The following KCNK2 variants were observed in gnomAD, a reference collection of about 807,000 sequenced individuals.
KCNK2 encodes potassium channel subfamily K member 2.
A neutral mutation model predicts 40.5 loss-of-function variants in KCNK2; 21 were observed. The observed-to-expected ratio is 0.52, with a 90% CI of 0.37 to 0.75. KCNK2 has a LOEUF of 0.75. KCNK2 is among the 30% of genes least tolerant of loss of function. KCNK2 has a pLI of 0.00. For missense variants in KCNK2, 399 were observed against 531.6 expected (o/e 0.75, Z 2.45); for synonymous variants, 191 against 202.2 (o/e 0.94, Z 0.47).
At chr1:215,050,032 C>G (rs1395911073) in intron 1 of KCNK2, among the ~76,000 whole-genome samples, 3 of 152,050 alleles carry the variant, frequency 2.0e-5, no homozygotes, top group African/African-American at 7.2e-5. Context: ...TTATCTATGT[C>G]TATAAAAAAC....
At chr1:215,177,708 C>T (rs1664034572) in intron 5 of KCNK2, among the ~76,000 whole-genome samples, 1 of 121,926 alleles carries the variant, frequency 8.2e-6, no homozygotes, top group African/African-American at 3.0e-5. Context: ...CTCCACTGGC[C>T]TATATATATA....
intron 2 of KCNK2, among the ~76,000 whole-genome samples, chr1:215,103,760 C>T (rs900422071): frequency 7.9e-5 from 12 of 151,926 alleles, no homozygotes; most frequent in African/African-American, 1.4e-4. Context: ...TATTTTTTGA[C>T]GGGACAATAA....
chr1:215,211,913 T>A (rs1409343577), intron 6 of KCNK2, among the ~76,000 whole-genome samples: 1 of 152,152 alleles, frequency 6.6e-6, no homozygotes, highest in Non-Finnish European at 1.5e-5. Context: ...ACTGTACTTA[T>A]TTTGGTGGTT....
intron 1 of KCNK2, among the ~76,000 whole-genome samples, chr1:215,072,292 T>G (rs1658785184): frequency 6.6e-6 from 1 of 152,168 alleles, no homozygotes; most frequent in Non-Finnish European, 1.5e-5. Flanking sequence ...GACTTACAGT[T>G]CCACATGGCT....
intron 6 of KCNK2, among the ~76,000 whole-genome samples, chr1:215,230,831 T>C (rs944859149): frequency 6.6e-6 from 1 of 151,828 alleles, no homozygotes; most frequent in African/African-American, 2.4e-5. Context: ...AGTTTACTTT[T>C]CCACCTCTGG....
In KCNK2 at chr1:215,172,131, T is replaced by A. The variant is rs901134275; in HGVS notation, c.771T>A (p.Ile257=). ...HIEGWSALDA[I]YFVVITLTTI... is the part of the protein sequence containing the mutation. The stretch of plus-strand genomic sequence containing the variant: ...AAGGCTGGAGTGCCCTGGACGCCAT[T>A]TATTTTGTGGTTATCACTCTAACAA... Residue 257 remains isoleucine, a synonymous_variant, in exon 5 of 7, where the codon ATT becomes ATA. Coordinates refer to ENST00000444842, the MANE Select transcript of KCNK2 (RefSeq NM_001017425.3). 1.2e-6 allele frequency: 2 copies of A among 1,613,544 alleles called. No individual in the cohort carries two copies. Among genetic ancestry groups the A allele is most frequent in the Admixed American group, 3.3e-5 (2 of 59,922 alleles).
upstream of KCNK2, chr1:215,081,909 C>G (rs907852079): frequency 2.6e-5 from 4 of 152,218 alleles, no homozygotes; most frequent in African/African-American, 9.7e-5. Flanking sequence ...GCTGTCCCTA[C>G]GCCGGGGTCT....
intron 5 of KCNK2, among the ~76,000 whole-genome samples, chr1:215,186,008 T>C (rs1175514558): frequency 3.3e-5 from 5 of 152,230 alleles, no homozygotes; most frequent in African/African-American, 4.8e-5. Context: ...AACATCAGTA[T>C]AATTATTAGA....
intron 5 of KCNK2, among the ~76,000 whole-genome samples, chr1:215,194,222 C>T (rs6688065): frequency 0.99 from 150,768 of 152,252 alleles, 74,672 homozygotes; most frequent in East Asian, 1. Context: ...CTTATAGGTA[C>T]AGTTATTGTT....
intron 6 of KCNK2, among the ~76,000 whole-genome samples, chr1:215,229,954 A>G (rs896638303): frequency 4.6e-5 from 7 of 151,244 alleles, no homozygotes; most frequent in African/African-American, 7.3e-5. Context: ...ACCTATTATC[A>G]TAATTAATAA....
intron 6 of KCNK2, among the ~76,000 whole-genome samples, chr1:215,230,785 C>G (rs910268978): frequency 6.6e-6 from 1 of 151,704 alleles, no homozygotes; most frequent in Non-Finnish European, 1.5e-5. Context: ...CACCCCATTT[C>G]TGACAGATTG....
At chr1:215,072,956 G>C (rs192091036) in intron 1 of KCNK2, among the ~76,000 whole-genome samples, 7 of 152,244 alleles carry the variant, frequency 4.6e-5, no homozygotes, top group Admixed American at 4.6e-4. Flanking sequence ...ATGAAATAAG[G>C]TCTTTACAGA....
chr1:215,019,932 CA>C (rs1656730831), intron 1 of KCNK2, among the ~76,000 whole-genome samples: 1 of 143,366 alleles, frequency 7.0e-6, no homozygotes, highest in Admixed American at 7.1e-5. Context: ...ATAGAGGGTA[CA>C]TGAGCAGAGG....
intron 2 of KCNK2, among the ~76,000 whole-genome samples, chr1:215,123,346 G>C (rs1308131173): frequency 6.6e-6 from 1 of 151,572 alleles, no homozygotes; most frequent in Non-Finnish European, 1.5e-5. Context: ...GTTATCTCTG[G>C]ATTCTGGAAT....
chr1:215,172,967 A>AT (rs1463447991), intron 5 of KCNK2, among the ~76,000 whole-genome samples: 1 of 151,822 alleles, frequency 6.6e-6, no homozygotes, highest in African/African-American at 2.4e-5. Flanking sequence ...TATTACTATT[A>AT]TTTTTTAAAA....
At chr1:215,121,198 CAAACAAA>C (rs1330213886) in intron 2 of KCNK2, among the ~76,000 whole-genome samples, 1 of 152,136 alleles carries the variant, frequency 6.6e-6, no homozygotes, top group East Asian at 1.9e-4. Context: ...ATCAAACAAA[CAAACAAA>C]AATAACAAGT....
At chr1:215,094,674 A>G (rs1659901601) in intron 2 of KCNK2, among the ~76,000 whole-genome samples, 4 of 152,068 alleles carry the variant, frequency 2.6e-5, no homozygotes, top group Admixed American at 2.6e-4. Flanking sequence ...ACTATTTATT[A>G]ATAATTAGGT....
chr1:215,218,330 G>C (rs187453515), intron 6 of KCNK2, among the ~76,000 whole-genome samples: 3 of 152,168 alleles, frequency 2.0e-5, no homozygotes, highest in Non-Finnish European at 4.4e-5. Context: ...GATGGCAGGA[G>C]CTGCTGGGAA....
At chr1:215,155,046 C>G (rs185902118) in intron 3 of KCNK2, among the ~76,000 whole-genome samples, 2 of 152,008 alleles carry the variant, frequency 1.3e-5, no homozygotes, top group Non-Finnish European at 1.5e-5. Context: ...TTCTCTTGTC[C>G]TTTTTTCATA....
Sources: gnomAD v4.1 joint callset for allele counts (sites outside exome capture counted in the v4.1 genomes callset) on GRCh38, gnomAD v4.1.1 for gene constraint, MANE v1.5 for transcripts, NCBI Gene and HGNC (gene_info 2026-07-23, HGNC 2026-07-21) for gene names.